Variants in CHODL observed in about 807,000 individuals in gnomAD.
The protein encoded by CHODL is chondrolectin.
A neutral mutation model predicts 34.5 loss-of-function variants in CHODL; 29 were observed. The observed-to-expected ratio is 0.84, with a 90% CI of 0.63 to 1.15. The LOEUF (loss-of-function observed/expected upper bound fraction) is 1.15, where lower values mean the gene tolerates loss of function less well. CHODL is among the 50% of genes most tolerant of loss of function. The pLI, the probability that CHODL is intolerant of heterozygous loss-of-function variation, is 0.00. For synonymous variants in CHODL, 125 were observed against 116.1 expected (o/e 1.08, Z -0.49); for missense variants, 332 against 332.5 (o/e 1.00, Z 0.01).
intron 1 of CHODL, among the ~76,000 whole-genome samples, chr21:17,950,536 T>A (rs201214707): frequency 0.12 from 4,257 of 35,660 alleles, 104 homozygotes; most frequent in East Asian, 0.41. Flanking sequence ...ACACACACAC[T>A]TCTTTAAAGC....
chr21:18,194,716 C>G (rs913818703), intron 2 of CHODL, among the ~76,000 whole-genome samples: 1 of 151,894 alleles, frequency 6.6e-6, no homozygotes, highest in Non-Finnish European at 1.5e-5. Context: ...TTAAATCAAG[C>G]TAATTGACAT....
At chr21:18,206,143 T>G (rs1422764412) in intron 2 of CHODL, among the ~76,000 whole-genome samples, 1 of 152,224 alleles carries the variant, frequency 6.6e-6, no homozygotes, top group Non-Finnish European at 1.5e-5. Context: ...AATATCTGAT[T>G]GGTCTATTTT....
rs893242940 is a variant in CHODL at position 18,245,318 on chromosome 21, T to C, written c.79+16T>C. ...GTGGTCAGCGGTGAGTCAGGGGCCG[T>C]CTCCCCGAAGAACGAGCGGGGAGAG... On this transcript the variant is annotated intron_variant, in intron 1 of 5. Coordinates refer to ENST00000299295, the MANE Select transcript of CHODL (RefSeq NM_024944.3). 14 of 1,511,690 alleles carry C rather than the reference T, an allele frequency of 9.3e-6. No homozygotes were observed. The highest frequency in any genetic ancestry group is 1.8e-4 in the Middle Eastern group (1 of 5,712). 93.6% of individuals were successfully genotyped at this position (1,511,690 alleles called of 1,614,324 possible).
At chr21:18,031,276 C>T (rs2146439937) in intron 2 of CHODL, among the ~76,000 whole-genome samples, 1 of 152,162 alleles carries the variant, frequency 6.6e-6, no homozygotes, top group Middle Eastern at 3.4e-3. Flanking sequence ...AGTCTTTAAC[C>T]TGTGGGAGAT....
chr21:18,092,348 C>A (rs2146531327), intron 2 of CHODL, among the ~76,000 whole-genome samples: 1 of 152,204 alleles, frequency 6.6e-6, no homozygotes, highest in East Asian at 1.9e-4. Context: ...GAAAGCCTTC[C>A]CAAGAAAGAC....
At position 18,014,519 on chromosome 21, in the gene CHODL, A is replaced by T. The variant is rs539749970; in HGVS notation, c.-144-13353A>T. The stretch of plus-strand genomic sequence containing the variant: ...TAGTTTGGATATTTGTCCCTACCCA[A>T]ATCTCATGTTGAATTGTAATCCCCA... On this transcript the variant is annotated intron_variant, in intron 1 of 6. Transcript: ENST00000400127. 3.3e-5 allele frequency among the ~76,000 whole-genome samples: 5 copies of T among 152,276 alleles called. No homozygotes were observed. In the East Asian group the frequency reaches 9.7e-4, roughly 29 times the overall value.
At chr21:17,984,717 G>T (rs920806422) in intron 1 of CHODL, among the ~76,000 whole-genome samples, 3 of 151,874 alleles carry the variant, frequency 2.0e-5, no homozygotes, top group Admixed American at 6.6e-5. Flanking sequence ...GCATAAATTT[G>T]TATCAGTAGA....
At chr21:18,047,055 C>G (rs545628989) in intron 2 of CHODL, among the ~76,000 whole-genome samples, 2 of 152,010 alleles carry the variant, frequency 1.3e-5, no homozygotes, top group African/African-American at 4.8e-5. Flanking sequence ...TGGTGATTTG[C>G]AAATATTAAA....
chr21:18,148,484 G>T (rs1302919390), intron 2 of CHODL, among the ~76,000 whole-genome samples: 1 of 152,056 alleles, frequency 6.6e-6, no homozygotes, highest in Non-Finnish European at 1.5e-5. Flanking sequence ...ACTTGGGGGA[G>T]AATTTGTAGG....
intron 1 of CHODL, among the ~76,000 whole-genome samples, chr21:17,950,690 C>A (rs1389093954): frequency 6.6e-6 from 1 of 152,100 alleles, no homozygotes. Flanking sequence ...GGCAGAGGAG[C>A]AAGTCTATCA....
chr21:18,234,707 G>T (rs914972109), intron 2 of CHODL, among the ~76,000 whole-genome samples: 3 of 152,006 alleles, frequency 2.0e-5, no homozygotes, highest in Non-Finnish European at 4.4e-5. Flanking sequence ...ACATAAGAAG[G>T]GGGTAGAACA....
chr21:18,199,597 C>T (rs1324574613), intron 2 of CHODL, among the ~76,000 whole-genome samples: 1 of 152,022 alleles, frequency 6.6e-6, no homozygotes, highest in Non-Finnish European at 1.5e-5. Flanking sequence ...AAAAAATCCC[C>T]TTTGTTCCAC....
At chr21:18,136,130 A>G (rs867130584) in intron 2 of CHODL, among the ~76,000 whole-genome samples, 2,474 of 150,986 alleles carry the variant, frequency 0.016, 30 homozygotes, top group Non-Finnish European at 0.026. Flanking sequence ...AAAAAGAAAA[A>G]AAAGAAAAAA....
intron 2 of CHODL, among the ~76,000 whole-genome samples, chr21:18,218,430 C>A (rs373952044): frequency 6.6e-6 from 1 of 152,132 alleles, no homozygotes; most frequent in South Asian, 2.1e-4. Context: ...TGTAGGACAC[C>A]AAGTCCCTAG....
chr21:18,227,963 A>G (rs921285952), intron 2 of CHODL, among the ~76,000 whole-genome samples: 6 of 152,154 alleles, frequency 3.9e-5, no homozygotes, highest in African/African-American at 4.8e-5. Flanking sequence ...TATATAACTG[A>G]CAACTAACAA....
At chr21:18,229,079 AG>A (rs1038617061) in intron 2 of CHODL, among the ~76,000 whole-genome samples, 1 of 152,202 alleles carries the variant, frequency 6.6e-6, no homozygotes, top group African/African-American at 2.4e-5. Context: ...AGGGACATAT[AG>A]TAAAAACAAC....
At chr21:17,922,549 C>T (rs1000643046) in intron 1 of CHODL, among the ~76,000 whole-genome samples, 1 of 152,162 alleles carries the variant, frequency 6.6e-6, no homozygotes, top group African/African-American at 2.4e-5. Context: ...GTTGTTAGCA[C>T]ACTTATCTAT....
At chr21:18,090,197 AC>A (rs1264856914) in intron 2 of CHODL, among the ~76,000 whole-genome samples, 3 of 152,254 alleles carry the variant, frequency 2.0e-5, no homozygotes, top group Non-Finnish European at 4.4e-5. Context: ...AAACAGAAAG[AC>A]AAAAACATAA....
chr21:17,921,201 G>A (rs534494806), intron 1 of CHODL, among the ~76,000 whole-genome samples: 25 of 152,318 alleles, frequency 1.6e-4, no homozygotes, highest in African/African-American at 5.5e-4. Context: ...TGATGCCAAT[G>A]AAATGTGAAG....
Sources: allele counts gnomAD v4.1 joint callset (sites outside exome capture counted in the v4.1 genomes callset), GRCh38; gene constraint gnomAD v4.1.1; transcripts MANE v1.5; gene names NCBI Gene and HGNC (gene_info 2026-07-23, HGNC 2026-07-21).